CALN1: variants seen among roughly 807,000 people sequenced by gnomAD.
CALN1 encodes the protein calcium-binding protein 8.
A neutral mutation model predicts 30.6 loss-of-function variants in CALN1; 17 were observed. The ratio of observed to expected loss-of-function variants is 0.56; its 90% CI spans 0.38 to 0.83. CALN1 has a LOEUF of 0.83. Among genes scored for constraint, CALN1 ranks in the 40% least tolerant of loss-of-function variants. The pLI is 0.00. For synonymous variants in CALN1, 156 were observed against 131.4 expected (o/e 1.19, Z -1.28); for missense variants, 291 against 354.9 (o/e 0.82, Z 1.45).
chr7:72,424,880 T>C (rs1807747250), intron 1 of CALN1, among the ~76,000 whole-genome samples: 1 of 152,174 alleles, frequency 6.6e-6, no homozygotes, highest in African/African-American at 2.4e-5. Context: ...CTTTATTTTC[T>C]ACCTTGGTAA....
intron 5 of CALN1, among the ~76,000 whole-genome samples, chr7:71,869,094 T>G (rs1238877381): frequency 6.6e-6 from 1 of 152,110 alleles, no homozygotes; most frequent in Non-Finnish European, 1.5e-5. Context: ...AGGGACAGAG[T>G]GCTTCTCCTC....
intron 2 of CALN1, among the ~76,000 whole-genome samples, chr7:72,331,407 C>T (rs1801668375): frequency 6.6e-6 from 1 of 152,098 alleles, no homozygotes. Context: ...CTCTCCCAAT[C>T]CCAGTGACTT....
At chr7:72,419,756 G>C (rs997383254) in intron 1 of CALN1, among the ~76,000 whole-genome samples, 1 of 152,188 alleles carries the variant, frequency 6.6e-6, no homozygotes, top group African/African-American at 2.4e-5. Flanking sequence ...ACAAGTGGCT[G>C]AGCAGTGAGC....
chr7:72,170,968 G>A (rs746774535), intron 3 of CALN1, among the ~76,000 whole-genome samples: 4 of 152,076 alleles, frequency 2.6e-5, no homozygotes, highest in Admixed American at 6.6e-5. Context: ...GACCAGCGTG[G>A]GCAACATGGC....
intron 5 of CALN1, among the ~76,000 whole-genome samples, chr7:71,846,325 A>G (rs552323873): frequency 6.6e-6 from 1 of 152,212 alleles, no homozygotes; most frequent in African/African-American, 2.4e-5. Flanking sequence ...GAGACTTGGG[A>G]GATGCCAGGC....
chr7:72,151,493 C>A (rs1787245945), intron 3 of CALN1, among the ~76,000 whole-genome samples: 1 of 152,070 alleles, frequency 6.6e-6, no homozygotes, highest in African/African-American at 2.4e-5. Context: ...GTTGGGGCGC[C>A]AACATATTAT....
chr7:72,490,726 G>A, the CALN1 span, among the ~76,000 whole-genome samples: 1 of 152,128 alleles, frequency 6.6e-6, no homozygotes, highest in Admixed American at 6.6e-5. Flanking sequence ...CTGTCACCAT[G>A]TGAAGATGTG....
rs1470906696 is a variant in CALN1, at chr7:72,188,320, TATAC to T, written c.245-82030_245-82027del. Among the ~76,000 whole-genome samples, 5 of 152,292 alleles carry T rather than the reference TATAC, an allele frequency of 3.3e-5. No individual in the cohort carries two copies. In the East Asian group the frequency reaches 7.7e-4, roughly 24 times the overall value. The stretch of plus-strand genomic sequence containing the variant: ...ACATGTATATATATCTCAGTTTACG[TATAC>T]ATATTCTTTATATACACATATATAT... On this transcript the variant is annotated intron_variant, in intron 3 of 6. Coordinates refer to ENST00000395275, the MANE Select transcript of CALN1 (RefSeq NM_031468.4).
intron 3 of CALN1, among the ~76,000 whole-genome samples, chr7:72,210,570 G>T (rs1237075882): frequency 1.3e-5 from 2 of 151,962 alleles, no homozygotes. Flanking sequence ...AAGGCGAAGG[G>T]GGAGCAGGCA....
rs1379253317 is a variant in CALN1 at position 71,786,847 on chromosome 7, A to G, written c.*928T>C. 6.6e-6 allele frequency: 1 copy of G among 152,464 alleles called. No individual in the cohort carries two copies. The highest frequency in any genetic ancestry group is 2.4e-5 in the African/African-American group (1 of 41,410). 9.4% of individuals were successfully genotyped at this position (152,464 alleles called of 1,614,324 possible). ...GCCAGTCCCAGTCCCCTCCCCCCTC[A>G]ACCTGCCTCACCCCTGCCCCAAAGA... On this transcript the variant is annotated 3_prime_UTR_variant, in exon 7 of 7. Transcript: ENST00000395275.
chr7:71,832,156 T>C (rs1054180675), intron 5 of CALN1, among the ~76,000 whole-genome samples: 4 of 152,078 alleles, frequency 2.6e-5, no homozygotes, highest in Non-Finnish European at 5.9e-5. Flanking sequence ...TTTGTTCTCA[T>C]TTAAAGAATG....
intron 3 of CALN1, among the ~76,000 whole-genome samples, chr7:72,120,830 G>A (rs147810212): frequency 2.0e-4 from 30 of 152,188 alleles, no homozygotes; most frequent in Middle Eastern, 6.8e-3. Context: ...CAGGGTGATC[G>A]TGGGATGGTG....
At chr7:72,472,987 T>A in the CALN1 span, among the ~76,000 whole-genome samples, 1 of 152,166 alleles carries the variant, frequency 6.6e-6, no homozygotes, top group Non-Finnish European at 1.5e-5. Flanking sequence ...TGGAATGACC[T>A]GCTGCAGAGA....
At chr7:71,931,498 C>T (rs1795549052) in intron 5 of CALN1, among the ~76,000 whole-genome samples, 1 of 152,336 alleles carries the variant, frequency 6.6e-6, no homozygotes, top group Admixed American at 6.5e-5. Context: ...AACTCCTGAG[C>T]TCAAGTGATC....
At chr7:72,371,029 C>T (rs886318802) in intron 2 of CALN1, among the ~76,000 whole-genome samples, 1 of 103,884 alleles carries the variant, frequency 9.6e-6, no homozygotes, top group African/African-American at 3.8e-5. Context: ...ACTTTGGTGA[C>T]AGAGCAAAAT....
chr7:71,926,873 A>G (rs1028141636), intron 5 of CALN1, among the ~76,000 whole-genome samples: 2 of 152,046 alleles, frequency 1.3e-5, no homozygotes, highest in African/African-American at 4.8e-5. Context: ...TTCTGTTGAA[A>G]TTCTCCACCA....
At chr7:72,007,906 GAATC>G (rs1169620211) in intron 5 of CALN1, among the ~76,000 whole-genome samples, 1 of 152,022 alleles carries the variant, frequency 6.6e-6, no homozygotes. Context: ...ATGAATGAAT[GAATC>G]AATCAAATAA....
chr7:71,825,385 T>C (rs1217713511), intron 5 of CALN1, among the ~76,000 whole-genome samples: 3 of 152,192 alleles, frequency 2.0e-5, no homozygotes, highest in African/African-American at 7.2e-5. Flanking sequence ...TTATAAGGGT[T>C]TCCCCCTTTT....
rs1283146933 is a variant in CALN1, at chr7:72,144,352, C to T, written c.245-38058G>A. On this transcript the variant is annotated intron_variant, in intron 3 of 6. Coordinates refer to ENST00000395275, the MANE Select transcript of CALN1 (RefSeq NM_031468.4). ...TAGTCTCTGATAAAAGACTTTAAAC[C>T]AACAAAGATTAAAAGAGACAAAGAA... Among the ~76,000 whole-genome samples the T allele has an allele frequency of 1.2e-4, 19 of 152,100 alleles. No homozygotes were observed. The East Asian group carries it at 2.1e-3, about 17-fold the overall frequency.
Sources: allele counts gnomAD v4.1 joint callset (sites outside exome capture counted in the v4.1 genomes callset), GRCh38; gene constraint gnomAD v4.1.1; transcripts MANE v1.5; gene names NCBI Gene and HGNC (gene_info 2026-07-23, HGNC 2026-07-21).